Variants in MTG1 observed in about 807,000 individuals in gnomAD.
The protein encoded by MTG1 is mitochondrial ribosome associated GTPase 1, also known as mitochondrial ribosome-associated GTPase 1.
A neutral mutation model predicts 39.5 loss-of-function variants in MTG1; 30 were observed. The observed-to-expected ratio is 0.76, with a 90% CI of 0.57 to 1.03. The LOEUF is 1.03. Among genes scored for constraint, MTG1 ranks in the 50% least tolerant of loss-of-function variants. MTG1 has a pLI of 0.00. For synonymous variants in MTG1, 217 were observed against 179.0 expected (o/e 1.21, Z -1.69); for missense variants, 513 against 447.4 (o/e 1.15, Z -1.32).
rs867218319 is a variant in MTG1, at chr10:133,415,989, G to A, written c.753-3491G>A. 5.9e-5 allele frequency among the ~76,000 whole-genome samples: 9 copies of A among 151,508 alleles called. No individual in the cohort carries two copies. The South Asian group carries it at 1.0e-3, about 18-fold the overall frequency. ...GTGTCGGGCAGGCGGGTGTCGGCACGCGGGTGTCGGGCAGGCGGGTGTCGG... is the reference window on the plus strand; with the variant it reads ...GTGTCGGGCAGGCGGGTGTCGGCACACGGGTGTCGGGCAGGCGGGTGTCGG... On this transcript the variant is annotated intron_variant, in intron 9 of 10. Transcript: ENST00000317502.
intron 7 of MTG1, chr10:133,401,873 G>A (rs968372245): frequency 1.5e-5 from 9 of 606,384 alleles, no homozygotes; most frequent in Non-Finnish European, 2.3e-5. Context: ...TGAGTGTGGC[G>A]CCCCCCGCCC....
At position 133,398,513 on chromosome 10, in the gene MTG1, C is replaced by T. The variant is rs1182046775; in HGVS notation, c.361C>T (p.Gln121Ter). 1.9e-6 allele frequency: 3 copies of T among 1,613,364 alleles called. No homozygotes were observed. Among genetic ancestry groups the T allele is most frequent in the Non-Finnish European group, 2.5e-6 (3 of 1,179,834 alleles). ...TNCVKDENVK[Q>*]IIPMVTELIG... The stretch of plus-strand genomic sequence containing the variant: ...CTGTGTAAAGGATGAAAATGTCAAG[C>T]AGGTAGGCTTTTCGTCTGTGCTCTC... The change falls in exon 4 of 11, where the codon CAG becomes TAG. Residue 121 changes from glutamine (Q) to a stop codon, truncating the protein, a stop_gained and splice_region_variant. Transcript: ENST00000317502. LOFTEE classifies it high-confidence loss of function.
chr10:133,394,400 G>C, intron 1 of MTG1, 68 bp downstream of exon 1: 1 of 1,361,954 alleles, frequency 7.3e-7, no homozygotes, highest in East Asian at 3.1e-5. Flanking sequence ...CTCCCACCCC[G>C]GTTTCGGCCG....
chr10:133,401,695 C>A, intron 7 of MTG1, 105 bp downstream of exon 7: 1 of 1,095,632 alleles, frequency 9.1e-7, no homozygotes, highest in Non-Finnish European at 1.4e-6. Context: ...CGCTTCCCTC[C>A]CCTCCACTCA....
intron 9 of MTG1, among the ~76,000 whole-genome samples, chr10:133,406,728 C>T (rs1468168031): frequency 3.5e-5 from 5 of 144,728 alleles, no homozygotes; most frequent in African/African-American, 7.6e-5. Context: ...TGCAGTGGCA[C>T]GATCTCGGCT....
chr10:133,397,261 C>T (rs1035643663), intron 3 of MTG1, among the ~76,000 whole-genome samples: 3 of 152,092 alleles, frequency 2.0e-5, no homozygotes, highest in Non-Finnish European at 2.9e-5. Context: ...CCTTGGCTGC[C>T]AGGCAGGGAA....
chr10:133,410,147 G>T (rs1850024259), intron 9 of MTG1, among the ~76,000 whole-genome samples: 1 of 152,132 alleles, frequency 6.6e-6, no homozygotes, highest in Non-Finnish European at 1.5e-5. Context: ...CTGGGCTCAA[G>T]CAGTCTTCCC....
At chr10:133,404,462 C>T (rs1414078074) in intron 9 of MTG1, among the ~76,000 whole-genome samples, 1 of 128,688 alleles carries the variant, frequency 7.8e-6, no homozygotes, top group Non-Finnish European at 1.6e-5. Context: ...GATACAAGTC[C>T]TTAATCAGAG....
chr10:133,414,839 A>C (rs2133512981), intron 9 of MTG1, among the ~76,000 whole-genome samples: 1 of 152,210 alleles, frequency 6.6e-6, no homozygotes, highest in East Asian at 1.9e-4. Flanking sequence ...GGTTGTAGCG[A>C]GCCGAGATCA....
intron 9 of MTG1, among the ~76,000 whole-genome samples, chr10:133,413,365 C>T (rs111479312): frequency 7.2e-5 from 11 of 152,142 alleles, no homozygotes; most frequent in African/African-American, 9.6e-5. Context: ...CCACCCATGT[C>T]GGCCTCCCAA....
chr10:133,402,313 G>T lies in MTG1; in HGVS notation c.670+68G>T. ...CCCTGCCACCCCACCTTTAGGGCTGGCTTTGGCACAGGGCCCCTAGACGGG... is the reference window on the plus strand; with the variant it reads ...CCCTGCCACCCCACCTTTAGGGCTGTCTTTGGCACAGGGCCCCTAGACGGG... On this transcript the variant is annotated intron_variant, in intron 8 of 10. Transcript: ENST00000317502. The surrounding 1 kb of genome is among the most constrained non-coding windows in gnomAD (Gnocchi z 4.7). 1 of 1,585,712 alleles carries T rather than the reference G, an allele frequency of 6.3e-7. No individual in the cohort carries two copies. The highest frequency in any genetic ancestry group is 8.6e-7 in the Non-Finnish European group (1 of 1,158,336).
chr10:133,399,695 C>T (rs1248671062), intron 6 of MTG1, 76 bp downstream of exon 6: 1 of 1,477,554 alleles, frequency 6.8e-7, no homozygotes. Flanking sequence ...CACCATCTTT[C>T]TTGGAGGGGA....
intron 9 of MTG1, among the ~76,000 whole-genome samples, chr10:133,415,213 A>C (rs574690899): frequency 1.3e-5 from 2 of 151,106 alleles, no homozygotes; most frequent in East Asian, 3.9e-4. Flanking sequence ...GGAGCGGGAG[A>C]GGGAGCGGGA....
Position 133,394,348 on chromosome 10 carries a change from G to T in MTG1, c.112+16G>T. On this transcript the variant is annotated intron_variant, in intron 1 of 10. Transcript: ENST00000317502. ...ATGGCCAAGGGTGAGGCACGGCGGG[G>T]AGGGGCAAGGTCATGCCTACGGCCG... The T allele has an allele frequency of 6.7e-7, 1 of 1,485,876 alleles. No homozygotes were observed. The highest frequency in any genetic ancestry group is 8.9e-7 in the Non-Finnish European group (1 of 1,121,856). The allele number at this position is 1,485,876 out of a possible 1,614,324, so 92.0% of individuals were successfully genotyped here. A position where few individuals can be genotyped will look rare whatever the true frequency, so the allele number is the denominator to read the frequency against.
chr10:133,405,984 C>T (rs112612579), intron 9 of MTG1, among the ~76,000 whole-genome samples: 1 of 152,218 alleles, frequency 6.6e-6, no homozygotes, highest in Admixed American at 6.5e-5. Flanking sequence ...TCTCTACATC[C>T]TCAACAGCAT....
chr10:133,397,106 C>T (rs988582836), intron 3 of MTG1, among the ~76,000 whole-genome samples: 6 of 152,248 alleles, frequency 3.9e-5, no homozygotes, highest in Non-Finnish European at 7.3e-5. Context: ...CTTCAGTGGT[C>T]ACGCTCCTAG....
intron 1 of MTG1, chr10:133,394,533 G>C: frequency 7.5e-7 from 1 of 1,340,518 alleles, no homozygotes; most frequent in South Asian, 1.8e-5. Context: ...CTGCGGGAGA[G>C]GCCCGTTCCC....
Position 133,420,369 on chromosome 10 carries a change from A to T in MTG1, c.*204A>T, listed in dbSNP as rs115645589. 4.3e-3 allele frequency: 2,317 copies of T among 544,198 alleles called. 50 individuals are homozygous for T. Among genetic ancestry groups the T allele is most frequent in the African/African-American group, 0.04 (2,094 of 51,758 alleles). 33.7% of individuals were successfully genotyped at this position (544,198 alleles called of 1,614,324 possible). A position where few individuals can be genotyped will look rare whatever the true frequency, so the allele number is the denominator to read the frequency against. ...GGTGGGAGTGGACACCAGGCTTCCCAGTGGACGTCCCTGAGCAGCTCCGCA... is the reference window on the plus strand; with the variant it reads ...GGTGGGAGTGGACACCAGGCTTCCCTGTGGACGTCCCTGAGCAGCTCCGCA... On this transcript the variant is annotated 3_prime_UTR_variant, in exon 11 of 11. Coordinates refer to ENST00000317502, the MANE Select transcript of MTG1 (RefSeq NM_138384.4).
At chr10:133,403,437 A>G (rs1849917231) in intron 9 of MTG1, among the ~76,000 whole-genome samples, 1 of 152,132 alleles carries the variant, frequency 6.6e-6, no homozygotes, top group Non-Finnish European at 1.5e-5. Flanking sequence ...CTTCGTGATC[A>G]CACCTTCCTG....
Sources: gnomAD v4.1 joint callset for allele counts (sites outside exome capture counted in the v4.1 genomes callset) on GRCh38, gnomAD v4.1.1 for gene constraint, Gnocchi (gnomAD v3.1) non-coding constraint, MANE v1.5 for transcripts, NCBI Gene and HGNC (gene_info 2026-07-23, HGNC 2026-07-21) for gene names.